POLK: variants seen among roughly 807,000 people sequenced by gnomAD.
POLK encodes polymerase (DNA directed) kappa.
A neutral mutation model predicts 94.0 loss-of-function variants in POLK; 76 were observed. That is an observed-to-expected ratio of 0.81 (90% CI 0.67 to 0.98). The LOEUF is 0.98. Ranked by LOEUF, POLK falls within the 50% of genes least tolerant of loss-of-function variation. The probability of loss-of-function intolerance (pLI) is 0.00; values close to 1 mark genes in which losing one functional copy is unlikely to be tolerated. For missense variants in POLK, 954 were observed against 1,010.1 expected (o/e 0.94, Z 0.75); for synonymous variants, 349 against 325.4 (o/e 1.07, Z -0.78).
exon 7 of POLK, chr5:75,581,251 G>C: frequency 1.9e-6 from 3 of 1,606,416 alleles, no homozygotes; most frequent in Non-Finnish European, 2.6e-6. Context: ...GAGCATGAAC[G>C]ATCCATCTCT....
At chr5:75,568,383 A>G (rs1164588268) in intron 3 of POLK, among the ~76,000 whole-genome samples, 2 of 152,160 alleles carry the variant, frequency 1.3e-5, no homozygotes, top group East Asian at 3.9e-4. Flanking sequence ...CTCCAGCTGC[A>G]GGGTAAGCTG....
chr5:75,576,817 TG>T lies in POLK; in HGVS notation c.580del (p.Ala194ProfsTer2). The T allele has an allele frequency of 6.6e-7, 1 of 1,526,122 alleles. No homozygotes were observed. Among genetic ancestry groups the T allele is most frequent in the Non-Finnish European group, 8.8e-7 (1 of 1,138,452 alleles). 94.5% of individuals were successfully genotyped at this position (1,526,122 alleles called of 1,614,324 possible). On this transcript the variant is annotated frameshift_variant, in exon 6 of 15. Transcript: ENST00000241436. LOFTEE classifies it high-confidence loss of function. Reference sequence around the variant, plus strand: ...CTTGCTGATTATGATCCCAATTTTATGGCCATGAGTCTTGATGAAGCCTACT... The same window carrying T: ...CTTGCTGATTATGATCCCAATTTTATGCCATGAGTCTTGATGAAGCCTACT...
At chr5:75,597,003 A>C in exon 13 of POLK, 1 of 1,613,948 alleles carries the variant, frequency 6.2e-7, no homozygotes, top group Non-Finnish European at 8.5e-7. Flanking sequence ...ACTTATGTGA[A>C]GTGAAAACAG....
upstream of POLK, chr5:75,511,460 C>T (rs572714797): frequency 3.9e-6 from 6 of 1,529,596 alleles, no homozygotes; most frequent in East Asian, 9.8e-5. Context: ...CCGCCGTCGC[C>T]GTGACCCCTG....
chr5:75,530,396 C>CTTT (rs201266079), intron 1 of POLK, among the ~76,000 whole-genome samples: 7 of 61,628 alleles, frequency 1.1e-4, no homozygotes, highest in African/African-American at 1.3e-4. Context: ...TTCCCTTTTT[C>CTTT]TTTTTTTTTT....
chr5:75,597,904 AT>A, intron 14 of POLK, 29 bp from the exon 15 acceptor site: 1 of 1,249,130 alleles, frequency 8.0e-7, no homozygotes, highest in Middle Eastern at 2.0e-4. Context: ...CTCTTCCTGC[AT>A]TTTAATTGTG....
At chr5:75,511,572 T>C, upstream of POLK, 1 of 1,460,010 alleles carries the variant, frequency 6.8e-7, no homozygotes, top group Non-Finnish European at 9.0e-7. Context: ...GGCCGCTGAG[T>C]CCCGCGTCCA....
chr5:75,514,802 C>T (rs1460828361), intron 1 of POLK, among the ~76,000 whole-genome samples: 3 of 151,796 alleles, frequency 2.0e-5, no homozygotes, highest in African/African-American at 7.3e-5. Context: ...AGGTTTGAGG[C>T]TGTAGTGAGC....
chr5:75,550,398 G>T (rs892255696), intron 2 of POLK, among the ~76,000 whole-genome samples: 5 of 152,072 alleles, frequency 3.3e-5, no homozygotes, highest in Admixed American at 6.6e-5. Context: ...GACCAATATG[G>T]TGAAACCCCG....
At chr5:75,545,305 T>C (rs1179726436) in intron 1 of POLK, among the ~76,000 whole-genome samples, 2 of 152,204 alleles carry the variant, frequency 1.3e-5, no homozygotes, top group South Asian at 2.1e-4. Flanking sequence ...GTCACAATCG[T>C]AATTTATTTT....
chr5:75,519,325 A>G (rs1188949253), intron 1 of POLK, among the ~76,000 whole-genome samples: 1 of 152,176 alleles, frequency 6.6e-6, no homozygotes, highest in Non-Finnish European at 1.5e-5. Context: ...GTTCTGGAGA[A>G]TGTTTCATAT....
Position 75,588,459 on chromosome 5 carries a change from A to G in POLK, c.1259+1401A>G, listed in dbSNP as rs449106. Among the ~76,000 whole-genome samples, 256 of 152,362 alleles carry G rather than the reference A, an allele frequency of 1.7e-3. 7 individuals are homozygous for G. The East Asian group carries it at 0.04, about 24-fold the overall frequency. ...AGTGAAATTACTACCATTTTCATTTATAATTAAAGAAATACAGATTGAAAG... is the reference window on the plus strand; with the variant it reads ...AGTGAAATTACTACCATTTTCATTTGTAATTAAAGAAATACAGATTGAAAG... On this transcript the variant is annotated intron_variant, in intron 10 of 14. Transcript: ENST00000241436.
chr5:75,529,567 A>G (rs1222273995), intron 1 of POLK, among the ~76,000 whole-genome samples: 3 of 152,218 alleles, frequency 2.0e-5, no homozygotes, highest in Non-Finnish European at 2.9e-5. Context: ...TAAATGCTGT[A>G]TAAATAGTTG....
chr5:75,555,173 A>G (rs1404068523), intron 3 of POLK, among the ~76,000 whole-genome samples: 1 of 152,188 alleles, frequency 6.6e-6, no homozygotes, highest in Non-Finnish European at 1.5e-5. Flanking sequence ...TTGATAGTTT[A>G]TATTAGGGTT....
intron 2 of POLK, among the ~76,000 whole-genome samples, chr5:75,550,339 G>A (rs1452567149): frequency 6.6e-6 from 1 of 152,116 alleles, no homozygotes; most frequent in Non-Finnish European, 1.5e-5. Flanking sequence ...AGCACTTTGG[G>A]AGGCTGAGGT....
chr5:75,585,913 G>A (rs1028949598), intron 9 of POLK, among the ~76,000 whole-genome samples: 7 of 152,122 alleles, frequency 4.6e-5, no homozygotes, highest in Non-Finnish European at 4.4e-5. Flanking sequence ...AGATTGCAAG[G>A]CTTGTTGTGT....
chr5:75,563,665 C>T (rs1180676242), intron 3 of POLK, among the ~76,000 whole-genome samples: 2 of 152,186 alleles, frequency 1.3e-5, no homozygotes, highest in East Asian at 3.8e-4. Context: ...ATCCAGGAGT[C>T]ATTCATGAGC....
At position 75,587,867 on chromosome 5, in the gene POLK, G is replaced by A. The variant is rs1256885099; in HGVS notation, c.1259+809G>A. Among the ~76,000 whole-genome samples the A allele has an allele frequency of 1.3e-5, 2 of 151,970 alleles. 1 individual carries two copies. Among genetic ancestry groups the A allele is most frequent in the Non-Finnish European group, 2.9e-5 (2 of 68,020 alleles). ...GGAGGTGGAGTTTGCAGTAAGCTGA[G>A]ATGGCACCACTCACTCCACTCCAGC... On this transcript the variant is annotated intron_variant, in intron 10 of 14. Transcript: ENST00000241436.
At chr5:75,574,626 C>G (rs929152214) in intron 5 of POLK, among the ~76,000 whole-genome samples, 7 of 152,160 alleles carry the variant, frequency 4.6e-5, no homozygotes, top group Non-Finnish European at 1.0e-4. Context: ...ACTTATTACT[C>G]TTTAGTTATA....
Sources: gnomAD v4.1 joint callset for allele counts (sites outside exome capture counted in the v4.1 genomes callset) on GRCh38, gnomAD v4.1.1 for gene constraint, MANE v1.5 for transcripts, NCBI Gene and HGNC (gene_info 2026-07-23, HGNC 2026-07-21) for gene names.